The following DNAJB14 variants were observed in gnomAD, a reference collection of about 807,000 sequenced individuals.
The protein encoded by DNAJB14 is dnaJ homolog subfamily B member 14.
DNAJB14 carries 22 observed loss-of-function variants against 48.4 expected under a neutral mutation model. That is an observed-to-expected ratio of 0.45 (90% CI 0.32 to 0.65). The LOEUF (loss-of-function observed/expected upper bound fraction) is 0.65, where lower values mean the gene tolerates loss of function less well. DNAJB14 is among the 30% of genes least tolerant of loss of function. The pLI is 0.03. For synonymous variants in DNAJB14, 142 were observed against 158.7 expected, an observed-to-expected ratio of 0.89 and a Z score of 0.79; for missense variants, 319 against 458.8, an observed-to-expected ratio of 0.70 and a Z score of 2.78.
intron 3 of DNAJB14, among the ~76,000 whole-genome samples, chr4:99,920,630 A>G (rs942159610): frequency 1.3e-5 from 2 of 152,244 alleles, no homozygotes; most frequent in African/African-American, 4.8e-5. Context: ...AAGTCACTTT[A>G]CATGTAAATA....
chr4:99,924,888 T>C, intron 2 of DNAJB14: 1 of 1,084,724 alleles, frequency 9.2e-7, no homozygotes, highest in South Asian at 1.3e-5. Flanking sequence ...ATTTTGCCTC[T>C]AGGCAAAAAT....
chr4:99,931,688 G>A (rs1352874926), intron 1 of DNAJB14, among the ~76,000 whole-genome samples: 3 of 151,260 alleles, frequency 2.0e-5, no homozygotes, highest in Non-Finnish European at 4.4e-5. Flanking sequence ...CCACATTATC[G>A]CTAGACCATA....
intron 2 of DNAJB14, chr4:99,924,654 A>C: frequency 6.9e-7 from 1 of 1,459,408 alleles, no homozygotes; most frequent in Non-Finnish European, 9.3e-7. Context: ...ATCTGTAAAC[A>C]AAAAAAGAGA....
chr4:99,911,046 CCT>C (rs1169078471), intron 3 of DNAJB14, among the ~76,000 whole-genome samples: 1 of 152,038 alleles, frequency 6.6e-6, no homozygotes, highest in African/African-American at 2.4e-5. Flanking sequence ...CTTCCCAACC[CCT>C]GACAACCATT....
intron 1 of DNAJB14, among the ~76,000 whole-genome samples, chr4:99,943,822 C>T (rs1443050725): frequency 6.6e-6 from 1 of 152,034 alleles, no homozygotes; most frequent in Non-Finnish European, 1.5e-5. Flanking sequence ...TAATTAACTC[C>T]TGGCAATGAT....
chr4:99,929,239 C>G (rs539538586), intron 2 of DNAJB14: 23 of 152,350 alleles, frequency 1.5e-4, no homozygotes, highest in African/African-American at 5.3e-4. Context: ...ATTACAGGTG[C>G]CTATCACCAC....
chr4:99,930,715 G>C (rs1726437530), intron 1 of DNAJB14, 94 bp from the exon 2 acceptor site: 19 of 1,344,856 alleles, frequency 1.4e-5, no homozygotes, highest in Non-Finnish European at 1.9e-5. Context: ...ATTATGAAGT[G>C]TGTTCTCCAA....
chr4:99,938,184 C>T (rs1394201965), intron 1 of DNAJB14, among the ~76,000 whole-genome samples: 4 of 138,936 alleles, frequency 2.9e-5, no homozygotes, highest in Admixed American at 7.5e-5. Flanking sequence ...GCTGGAGAAT[C>T]GCTTGAACCC....
intron 3 of DNAJB14, among the ~76,000 whole-genome samples, chr4:99,914,077 A>G (rs1289964589): frequency 6.6e-6 from 1 of 152,152 alleles, no homozygotes; most frequent in Non-Finnish European, 1.5e-5. Context: ...GAAATAATCA[A>G]TTCCTTCAAG....
chr4:99,925,555 A>G (rs1253066614), intron 2 of DNAJB14: 1 of 152,150 alleles, frequency 6.6e-6, no homozygotes, highest in Non-Finnish European at 1.5e-5. Flanking sequence ...GGTTAAGTAA[A>G]TTGCCTAAAT....
intron 1 of DNAJB14, among the ~76,000 whole-genome samples, chr4:99,938,343 C>CT (rs200523338): frequency 0.11 from 13,300 of 119,990 alleles, 937 homozygotes; most frequent in East Asian, 0.25. Flanking sequence ...TGGACATGTG[C>CT]TTTTTTTTTT....
At chr4:99,943,517 C>A (rs1453434899) in intron 1 of DNAJB14, among the ~76,000 whole-genome samples, 6 of 152,250 alleles carry the variant, frequency 3.9e-5, no homozygotes, top group Non-Finnish European at 8.8e-5. Context: ...GGGGATGACA[C>A]CAAAATTAAT....
At chr4:99,912,756 G>C (rs1014242178) in intron 3 of DNAJB14, among the ~76,000 whole-genome samples, 7 of 152,178 alleles carry the variant, frequency 4.6e-5, no homozygotes, top group African/African-American at 1.7e-4. Flanking sequence ...TGGGATTACA[G>C]GTGTGAGTCA....
Position 99,900,906 on chromosome 4 carries a change from G to C in DNAJB14, c.*122C>G. 9.1e-7 allele frequency: 1 copy of C among 1,102,070 alleles called. No homozygotes were observed. The highest frequency in any genetic ancestry group is 3.3e-5 in the Admixed American group (1 of 30,480). The allele number at this position is 1,102,070 out of a possible 1,614,324, so 68.3% of individuals were successfully genotyped here. The stretch of plus-strand genomic sequence containing the variant: ...AGGTCATAAACAGTCCAAGATTTCA[G>C]GAACCAACTATTCAGTTTAGTTTTC... On this transcript the variant is annotated 3_prime_UTR_variant, in exon 8 of 8. Coordinates refer to ENST00000442697, the MANE Select transcript of DNAJB14 (RefSeq NM_001031723.4).
At chr4:99,906,000 G>C in intron 5 of DNAJB14, 1 of 1,293,056 alleles carries the variant, frequency 7.7e-7, no homozygotes, top group Non-Finnish European at 9.9e-7. Context: ...ACACAGAGAC[G>C]CTATCAATAT....
rs1418227087 is a variant in DNAJB14, at chr4:99,896,485, A to G, written c.*4543T>C. On this transcript the variant is annotated 3_prime_UTR_variant, in exon 8 of 8. Coordinates refer to ENST00000442697, the MANE Select transcript of DNAJB14 (RefSeq NM_001031723.4). ...AGACAAAGTAAGCTCTCCTTTACCA[A>G]TTTCATTTAACTTATACAAGGCTTC... 6.6e-6 allele frequency: 1 copy of G among 152,176 alleles called. No homozygotes were observed. The highest frequency in any genetic ancestry group is 1.5e-5 in the Non-Finnish European group (1 of 68,012). 9.4% of individuals were successfully genotyped at this position (152,176 alleles called of 1,614,324 possible).
In DNAJB14 at chr4:99,898,446, G is replaced by A. The variant is rs930210278; in HGVS notation, c.*2582C>T. 3.3e-5 allele frequency: 5 copies of A among 151,980 alleles called. No individual in the cohort carries two copies. Among genetic ancestry groups the A allele is most frequent in the South Asian group, 4.1e-4 (2 of 4,828 alleles). 9.4% of individuals were successfully genotyped at this position (151,980 alleles called of 1,614,324 possible). On this transcript the variant is annotated 3_prime_UTR_variant, in exon 8 of 8. Coordinates refer to ENST00000442697, the MANE Select transcript of DNAJB14 (RefSeq NM_001031723.4). ...TTCACATTTAATCAAACTACATTTC[G>A]AAATTTACAGATGACTAAATGACTA...
At position 99,930,634 on chromosome 4, in the gene DNAJB14, A is replaced by G; in HGVS notation, c.134-13T>C. 1 of 1,605,002 alleles carries G rather than the reference A, an allele frequency of 6.2e-7. No homozygotes were observed. The highest frequency in any genetic ancestry group is 8.5e-7 in the Non-Finnish European group (1 of 1,175,514). On this transcript the variant is annotated splice_polypyrimidine_tract_variant and intron_variant, in intron 1 of 7. Transcript: ENST00000442697. ...ATTTCCAATAGTGCTGTAGAAAGAT[A>G]AAGTACACTATGCCTGTTTACATCA...
In DNAJB14 at chr4:99,905,618, G is replaced by A. The variant is rs199867627; in HGVS notation, c.821C>T (p.Pro274Leu). 1.2e-6 allele frequency: 2 copies of A among 1,610,934 alleles called. No individual in the cohort carries two copies. Among genetic ancestry groups the A allele is most frequent in the Non-Finnish European group, 1.7e-6 (2 of 1,178,994 alleles). Residue 274 changes from proline to leucine, a missense_variant, in exon 6 of 8, where the codon CCT becomes CTT. Pro to Leu is a moderately conservative substitution (Grantham distance 98). Transcript: ENST00000442697. ...TTACGATCTGGGATATAAGGAATAA[G>A]GAGGATTAGAGACCATCAACTGGCT... ...LLSQLMVSNP[P>L]YSLYPRSGTG...
Sources: gnomAD v4.1 joint callset for allele counts (sites outside exome capture counted in the v4.1 genomes callset) on GRCh38, gnomAD v4.1.1 for gene constraint, MANE v1.5 for transcripts, NCBI Gene and HGNC (gene_info 2026-07-23, HGNC 2026-07-21) for gene names.